The following IL16 variants were observed in gnomAD, a reference collection of about 807,000 sequenced individuals.
IL16 encodes the protein pro-interleukin-16.
Under a neutral mutation model 110.1 loss-of-function variants are expected in IL16, and 67 were observed. That is an observed-to-expected ratio of 0.61 (90% confidence interval 0.50 to 0.75). The LOEUF (loss-of-function observed/expected upper bound fraction) is 0.75. Ranked by LOEUF, IL16 falls within the 30% of genes least tolerant of loss-of-function variation. The pLI, the probability that IL16 is intolerant of heterozygous loss-of-function variation, is 0.00. For missense variants in IL16, 1,545 were observed against 1,655.0 expected (o/e 0.93, Z 1.15); for synonymous variants, 689 against 662.9 (o/e 1.04, Z -0.61).
At chr15:81,258,088 A>G (rs992624743) in intron 2 of IL16, among the ~76,000 whole-genome samples, 2 of 152,192 alleles carry the variant, frequency 1.3e-5, no homozygotes, top group African/African-American at 2.4e-5. Context: ...CTCAAGAGTT[A>G]AGTGAAGATC....
chr15:81,259,919 A>C, intron 3 of IL16, 39 bp downstream of exon 3: 23 of 1,269,810 alleles, frequency 1.8e-5, no homozygotes, highest in East Asian at 2.3e-5. Context: ...AACAGAGCTC[A>C]GCTGTTCCTG....
intron 1 of IL16, 64 bp from the exon 2 acceptor site, chr15:81,225,235 C>T (rs762170767): frequency 6.7e-5 from 90 of 1,342,360 alleles, no homozygotes; most frequent in Non-Finnish European, 8.6e-5. Context: ...ATCCAGGACT[C>T]GTGTGCAGCT....
At chr15:81,229,064 G>A (rs531226614) in intron 2 of IL16, among the ~76,000 whole-genome samples, 1 of 152,104 alleles carries the variant, frequency 6.6e-6, no homozygotes, top group Non-Finnish European at 1.5e-5. Flanking sequence ...TTTAGCATGG[G>A]GGCACTAATT....
chr15:81,249,793 T>C (rs1897703550), intron 2 of IL16, among the ~76,000 whole-genome samples: 1 of 152,180 alleles, frequency 6.6e-6, no homozygotes, highest in South Asian at 2.1e-4. Context: ...TCCCTTCTTG[T>C]GGAACACTGA....
chr15:81,218,938 T>C (rs1896525755), intron 1 of IL16, among the ~76,000 whole-genome samples: 1 of 152,198 alleles, frequency 6.6e-6, no homozygotes, highest in Non-Finnish European at 1.5e-5. Flanking sequence ...TAACAATTTT[T>C]TTTTTTTTAG....
intron 18 of IL16, chr15:81,306,892 C>T (rs185510539): frequency 6.1e-4 from 220 of 359,118 alleles, no homozygotes; most frequent in Non-Finnish European, 9.9e-4. Context: ...CAGATCGATA[C>T]TATTTTAATG....
chr15:81,242,282 T>G (rs1334221052), intron 2 of IL16, among the ~76,000 whole-genome samples: 2 of 152,200 alleles, frequency 1.3e-5, no homozygotes, highest in African/African-American at 4.8e-5. Context: ...AAAGTCTTAC[T>G]GAAGTTTTGG....
In IL16 at chr15:81,232,952, A is replaced by G. The variant is rs189211492; in HGVS notation, c.312+7241A>G. On this transcript the variant is annotated intron_variant, in intron 2 of 18. Coordinates refer to ENST00000683961, the MANE Select transcript of IL16 (RefSeq NM_172217.5). ...TACATTGGTGCTATACTTTTTTAAA[A>G]TGGTTGAAGAATTCACCTATGAGCC... Among the ~76,000 whole-genome samples the G allele has an allele frequency of 3.6e-3, 554 of 152,242 alleles. 4 individuals are homozygous for G. The highest frequency in any genetic ancestry group is 0.013 in the African/African-American group (527 of 41,574).
chr15:81,272,417 T>C (rs532808717), intron 5 of IL16, among the ~76,000 whole-genome samples: 45 of 152,338 alleles, frequency 3.0e-4, no homozygotes, highest in Admixed American at 7.2e-4. Context: ...GCCTTCTGGC[T>C]GCTCCCCAGC....
chr15:81,182,910 C>T (rs1219383880), intron 1 of IL16: 1 of 1,286,872 alleles, frequency 7.8e-7, no homozygotes, highest in East Asian at 5.6e-5. Flanking sequence ...AGTGGAGCTC[C>T]TTCTCCTATC....
chr15:81,210,165 C>T (rs1896184590), intron 1 of IL16, among the ~76,000 whole-genome samples: 1 of 152,100 alleles, frequency 6.6e-6, no homozygotes. Flanking sequence ...TGTTGAAGAG[C>T]AGATGGTTGT....
At chr15:81,231,535 G>T (rs1896989181) in intron 2 of IL16, among the ~76,000 whole-genome samples, 1 of 152,098 alleles carries the variant, frequency 6.6e-6, no homozygotes, top group Admixed American at 6.5e-5. Flanking sequence ...ACCATGCCTG[G>T]CTAATTTTTG....
intron 1 of IL16, among the ~76,000 whole-genome samples, chr15:81,199,805 C>T (rs927286917): frequency 4.3e-4 from 65 of 152,284 alleles, no homozygotes; most frequent in African/African-American, 1.4e-3. Flanking sequence ...AGTCTGGCAT[C>T]GGCATATGAA....
Position 81,232,456 on chromosome 15 carries a change from T to C in IL16, c.312+6745T>C, listed in dbSNP as rs534295493. ...TTCATTATTATTATGTCTGTACATATGATGTTTGTTGTAGTTTTTTTGTAG... is the reference window on the plus strand; with the variant it reads ...TTCATTATTATTATGTCTGTACATACGATGTTTGTTGTAGTTTTTTTGTAG... On this transcript the variant is annotated intron_variant, in intron 2 of 18. Coordinates refer to ENST00000683961, the MANE Select transcript of IL16 (RefSeq NM_172217.5). Among the ~76,000 whole-genome samples, 24 of 152,308 alleles carry C rather than the reference T, an allele frequency of 1.6e-4. No homozygotes were observed. In the South Asian group the frequency reaches 4.6e-3, roughly 29 times the overall value.
intron 12 of IL16, among the ~76,000 whole-genome samples, chr15:81,294,628 T>A (rs1252614699): frequency 6.6e-6 from 1 of 152,088 alleles, no homozygotes; most frequent in Admixed American, 6.5e-5. Context: ...AACAGCACCG[T>A]CTCCTGGAGA....
At chr15:81,211,914 A>G (rs1896258045) in intron 1 of IL16, among the ~76,000 whole-genome samples, 1 of 152,092 alleles carries the variant, frequency 6.6e-6, no homozygotes, top group Admixed American at 6.6e-5. Context: ...CAGTTTGTTG[A>G]GGATTTTTAC....
At chr15:81,279,477 G>C (rs539793112) in intron 7 of IL16, 81 bp from the exon 8 acceptor site, 38 of 879,436 alleles carry the variant, frequency 4.3e-5, no homozygotes, top group Admixed American at 6.7e-5. Context: ...CACACACACA[G>C]AGGTGTGTTT....
rs376931649 is a variant in IL16, at chr15:81,285,748, C to T, written c.1250C>T (p.Thr417Met). The T allele has an allele frequency of 4.0e-5, 65 of 1,613,970 alleles. No homozygotes were observed. Among genetic ancestry groups the T allele is most frequent in the East Asian group, 1.1e-4 (5 of 44,894 alleles). The change falls in exon 10 of 19, where the codon ACG becomes ATG. Residue 417 changes from threonine to methionine, a missense_variant. Around this residue, in one of 3 missense-constraint regions of IL16, gnomAD observed 1,185 missense variants for 1,238.8 expected, o/e 0.96. Coordinates refer to ENST00000683961, the MANE Select transcript of IL16 (RefSeq NM_172217.5). Reference protein sequence around the residue: ...EISDSPVHCLTLNEVYTILSH... With the variant: ...EISDSPVHCLMLNEVYTILSH... Reference sequence around the variant, plus strand: ...AGTGATTCCCCTGTGCACTGCCTGACGCTCAATGAAGTCTACACGATCCTG... The same window carrying T: ...AGTGATTCCCCTGTGCACTGCCTGATGCTCAATGAAGTCTACACGATCCTG...
chr15:81,228,156 G>T, intron 2 of IL16, among the ~76,000 whole-genome samples: 1 of 152,122 alleles, frequency 6.6e-6, no homozygotes, highest in Admixed American at 6.5e-5. Context: ...TCCGGGCACA[G>T]GTGAGCACGT....
Sources: gnomAD v4.1 joint callset for allele counts (sites outside exome capture counted in the v4.1 genomes callset) on GRCh38, gnomAD v4.1.1 for gene constraint, gnomAD v4.1.1 regional missense constraint, MANE v1.5 for transcripts, NCBI Gene and HGNC (gene_info 2026-07-23, HGNC 2026-07-21) for gene names.